The following AP5Z1 variants were observed in gnomAD, a reference collection of about 807,000 sequenced individuals.
AP5Z1 encodes the protein AP-5 complex subunit zeta-1.
Under a neutral mutation model 83.0 loss-of-function variants are expected in AP5Z1, and 106 were observed. The ratio of observed to expected loss-of-function variants is 1.28; its 90% confidence interval spans 1.09 to 1.50. AP5Z1 has a LOEUF of 1.50. Ranked by LOEUF, AP5Z1 falls within the 40% of genes most tolerant of loss-of-function variation. The pLI is 0.00. For synonymous variants in AP5Z1, 751 were observed against 514.1 expected (o/e 1.46, Z -6.23); for missense variants, 1,565 against 1,094.2 (o/e 1.43, Z -6.07).
intron 1 of AP5Z1, among the ~76,000 whole-genome samples, chr7:4,777,410 C>T (rs1554256897): frequency 2.0e-5 from 3 of 151,464 alleles, no homozygotes; most frequent in Non-Finnish European, 1.5e-5. Flanking sequence ...TCTTTTGAGA[C>T]AGAGTCTCCC....
chr7:4,788,657 C>A, intron 12 of AP5Z1, 183 bp from the exon 13 acceptor site: 1 of 560,532 alleles, frequency 1.8e-6, no homozygotes, highest in Non-Finnish European at 3.1e-6. Context: ...GATGGCTTTA[C>A]TGTCCCGGGT....
intron 6 of AP5Z1, 77 bp downstream of exon 6, chr7:4,784,448 G>A (rs1781476409): frequency 6.8e-7 from 1 of 1,478,304 alleles, no homozygotes. Context: ...GGGGACACGG[G>A]CGGAGGTGGG....
intron 10 of AP5Z1, 116 bp downstream of exon 10, chr7:4,786,544 C>A (rs1385599728): frequency 1.6e-6 from 2 of 1,227,976 alleles, no homozygotes; most frequent in African/African-American, 3.0e-5. Context: ...CCCTGTGAGT[C>A]CCGGGCCTGG....
Position 4,789,913 on chromosome 7 carries a change from G to A in AP5Z1, c.1789G>A (p.Ala597Thr), listed in dbSNP as rs372555306. 35 of 1,547,284 alleles carry A rather than the reference G, an allele frequency of 2.3e-5. No homozygotes were observed. Among genetic ancestry groups the A allele is most frequent in the African/African-American group, 2.2e-4 (16 of 72,982 alleles). ...SDSLYPAPGY[A>T]AGVHSVLSSQ... ...CTCGCTCTACCCGGCCCCAGGGTAC[G>A]CTGCCGGTGTGCACAGGTAGGTCCC... The change falls in exon 14 of 17, where the codon GCT becomes ACT. Residue 597 changes from alanine to threonine, a missense_variant. Physicochemically the swap from Ala to Thr is moderately conservative, Grantham distance 58. Coordinates refer to ENST00000649063, the MANE Select transcript of AP5Z1 (RefSeq NM_014855.3).
At chr7:4,785,866 C>G (rs559147581) in intron 9 of AP5Z1, among the ~76,000 whole-genome samples, 182 bp downstream of exon 9, 1 of 152,058 alleles carries the variant, frequency 6.6e-6, no homozygotes, top group East Asian at 1.9e-4. Context: ...CTTGGCCTCC[C>G]AAAGTGCTGG....
In AP5Z1 at chr7:4,785,666, C is replaced by G; in HGVS notation, c.1114C>G (p.His372Asp). ...ASVRVLLPLA[H>D]FFLSHGEAAA... ...TGTGCGGGTGCTGCTGCCCCTCGCCCACTTCTTCCTGAGCCACGGTGAGCC... is the reference window on the plus strand; with the variant it reads ...TGTGCGGGTGCTGCTGCCCCTCGCCGACTTCTTCCTGAGCCACGGTGAGCC... Residue 372 changes from histidine (H) to aspartate (D), a missense_variant, in exon 9 of 17, where the codon CAC becomes GAC. Transcript: ENST00000649063. The G allele has an allele frequency of 6.5e-7, 1 of 1,542,146 alleles. No individual in the cohort carries two copies. The highest frequency in any genetic ancestry group is 8.7e-7 in the Non-Finnish European group (1 of 1,144,042).
intron 1 of AP5Z1, among the ~76,000 whole-genome samples, chr7:4,780,167 G>A (rs995327873): frequency 1.3e-5 from 2 of 152,146 alleles, no homozygotes; most frequent in African/African-American, 4.8e-5. Flanking sequence ...TTTAGACTGG[G>A]ATAGAAACCT....
At chr7:4,790,100 T>G in intron 14 of AP5Z1, 171 bp downstream of exon 14, 2 of 1,289,222 alleles carry the variant, frequency 1.6e-6, no homozygotes, top group Non-Finnish European at 2.1e-6. Context: ...CCCCAGGCAC[T>G]TCTCTCTGCT....
intron 14 of AP5Z1, 194 bp from the exon 15 acceptor site, chr7:4,790,265 C>A: frequency 1.9e-6 from 3 of 1,543,898 alleles, no homozygotes; most frequent in South Asian, 2.4e-5. Flanking sequence ...GGGCCTGAGG[C>A]CAGCGCTGGT....
In AP5Z1 at chr7:4,794,329, C is replaced by T. The variant is rs1343593527; in HGVS notation, c.*2944C>T. 6.6e-6 allele frequency: 1 copy of T among 152,350 alleles called. No individual in the cohort carries two copies. Among genetic ancestry groups the T allele is most frequent in the Non-Finnish European group, 1.5e-5 (1 of 68,128 alleles). 9.4% of individuals were successfully genotyped at this position (152,350 alleles called of 1,614,324 possible). The stretch of plus-strand genomic sequence containing the variant: ...TGCCCGAGCCAGCAGTGACAACCCA[C>T]TCGGGTCCCCTTCCACACCGGGATG... On this transcript the variant is annotated 3_prime_UTR_variant, in exon 17 of 17. Coordinates refer to ENST00000649063, the MANE Select transcript of AP5Z1 (RefSeq NM_014855.3).
chr7:4,778,475 G>A (rs936967518), intron 1 of AP5Z1, among the ~76,000 whole-genome samples: 17 of 152,084 alleles, frequency 1.1e-4, no homozygotes, highest in Non-Finnish European at 2.2e-4. Flanking sequence ...GGGTCTGTGC[G>A]AAGGGACAGA....
chr7:4,781,456 A>T, intron 2 of AP5Z1, 112 bp from the exon 3 acceptor site: 1 of 1,532,870 alleles, frequency 6.5e-7, no homozygotes, highest in Non-Finnish European at 8.9e-7. Context: ...ATCCTCATGT[A>T]AAATGCTCTG....
chr7:4,783,210 T>G, intron 3 of AP5Z1, 106 bp from the exon 4 acceptor site: 2 of 1,437,918 alleles, frequency 1.4e-6, no homozygotes, highest in South Asian at 1.5e-5. Flanking sequence ...TAGGCCGGGG[T>G]CTCAGCGACC....
Position 4,793,431 on chromosome 7 carries a change from A to C in AP5Z1, c.*2046A>C, listed in dbSNP as rs1389744317. The C allele has an allele frequency of 6.6e-6, 1 of 152,486 alleles. No individual in the cohort carries two copies. Among genetic ancestry groups the C allele is most frequent in the African/African-American group, 2.4e-5 (1 of 41,464 alleles). 9.4% of individuals were successfully genotyped at this position (152,486 alleles called of 1,614,324 possible). ...CTGCCTGGGCTCCCACTTTGGCAGC[A>C]CTTGAGGAGCCCTTCAGCCCGCCAC... is the stretch of plus-strand genomic sequence containing the variant. On this transcript the variant is annotated 3_prime_UTR_variant, in exon 17 of 17. Coordinates refer to ENST00000649063, the MANE Select transcript of AP5Z1 (RefSeq NM_014855.3).
In AP5Z1 at chr7:4,791,290, C is replaced by A; in HGVS notation, c.2329C>A (p.Pro777Thr). 6.2e-7 allele frequency: 1 copy of A among 1,612,580 alleles called. No homozygotes were observed. Among genetic ancestry groups the A allele is most frequent in the Admixed American group, 1.7e-5 (1 of 60,014 alleles). The change falls in exon 17 of 17, where the codon CCC becomes ACC. Residue 777 changes from proline (P) to threonine (T), a missense_variant. Coordinates refer to ENST00000649063, the MANE Select transcript of AP5Z1 (RefSeq NM_014855.3). The stretch of plus-strand genomic sequence containing the variant: ...CACACCCAGCACGGAGGTGTGCAGC[C>A]CCCGCTATCACCGCGATGCCAACAC... ...VLTPSTEVCS[P>T]RYHRDANTAL...
At position 4,791,446 on chromosome 7, in the gene AP5Z1, A is replaced by C; in HGVS notation, c.*61A>C. 6.6e-7 allele frequency: 1 copy of C among 1,521,930 alleles called. No individual in the cohort carries two copies. The highest frequency in any genetic ancestry group is 8.8e-7 in the Non-Finnish European group (1 of 1,130,338). 94.3% of individuals were successfully genotyped at this position (1,521,930 alleles called of 1,614,324 possible). A position where few individuals can be genotyped will look rare whatever the true frequency, so the allele number is the denominator to read the frequency against. On this transcript the variant is annotated 3_prime_UTR_variant, in exon 17 of 17. Coordinates refer to ENST00000649063, the MANE Select transcript of AP5Z1 (RefSeq NM_014855.3). ...AGCCTGGGCAGCCAGCTTGCTACTG[A>C]GGCCAGGCTGATAGGAGCTCAGGAG...
At chr7:4,787,588 C>T in intron 10 of AP5Z1, 46 bp from the exon 11 acceptor site, 3 of 1,527,044 alleles carry the variant, frequency 2.0e-6, no homozygotes, top group Middle Eastern at 1.9e-4. Flanking sequence ...CTGCCGCCTG[C>T]TCCACAGCTC....
chr7:4,784,729 G>C (rs1781484846), intron 6 of AP5Z1, among the ~76,000 whole-genome samples, 179 bp from the exon 7 acceptor site: 1 of 152,222 alleles, frequency 6.6e-6, no homozygotes, highest in East Asian at 1.9e-4. Context: ...CAGCCACCCT[G>C]AAGGGCGGCC....
At chr7:4,786,577 G>A (rs1781551748) in intron 10 of AP5Z1, 149 bp downstream of exon 10, 2 of 858,672 alleles carry the variant, frequency 2.3e-6, no homozygotes, top group Admixed American at 5.1e-5. Flanking sequence ...AGGGTGAGGT[G>A]GGGATCTGGG....
Sources: allele counts gnomAD v4.1 joint callset (sites outside exome capture counted in the v4.1 genomes callset), GRCh38; gene constraint gnomAD v4.1.1; transcripts MANE v1.5; gene names NCBI Gene and HGNC (gene_info 2026-07-23, HGNC 2026-07-21).